Variants in CSMD1 observed in about 807,000 individuals in gnomAD.
The protein encoded by CSMD1 is CUB and sushi domain-containing protein 1.
Under a neutral mutation model 417.5 loss-of-function variants are expected in CSMD1, and 213 were observed. The observed-to-expected ratio is 0.51, with a 90% confidence interval of 0.46 to 0.57. The LOEUF (loss-of-function observed/expected upper bound fraction) is 0.57, where lower values mean the gene tolerates loss of function less well. Ranked by LOEUF, CSMD1 falls within the 20% of genes least tolerant of loss-of-function variation. The pLI is 0.00. For missense variants in CSMD1, 6,923 were observed against 4,529.7 expected, an observed-to-expected ratio of 1.53 and a Z score of -15.17; for synonymous variants, 2,862 against 1,736.8, an observed-to-expected ratio of 1.65 and a Z score of -16.11.
At chr8:4,816,904 G>A (rs1799239660) in intron 1 of CSMD1, among the ~76,000 whole-genome samples, 2 of 152,060 alleles carry the variant, frequency 1.3e-5, no homozygotes, top group Non-Finnish European at 2.9e-5. Flanking sequence ...GAGGTTTGGA[G>A]CATAACAATC....
At chr8:4,100,508 G>C (rs920489385) in intron 3 of CSMD1, among the ~76,000 whole-genome samples, 1 of 152,076 alleles carries the variant, frequency 6.6e-6, no homozygotes, top group African/African-American at 2.4e-5. Context: ...CTATAAAATG[G>C]ATTAAAAATG....
At chr8:3,999,488 C>A (rs1815488438) in intron 4 of CSMD1, among the ~76,000 whole-genome samples, 1 of 152,162 alleles carries the variant, frequency 6.6e-6, no homozygotes, top group South Asian at 2.1e-4. Flanking sequence ...CTCACAAAAA[C>A]GTCAAAATAG....
At chr8:4,927,545 G>T (rs1430000606) in intron 1 of CSMD1, among the ~76,000 whole-genome samples, 1 of 152,104 alleles carries the variant, frequency 6.6e-6, no homozygotes, top group East Asian at 1.9e-4. Flanking sequence ...TTGGAAAGGG[G>T]CAACAACTAG....
At chr8:4,273,426 T>C (rs903860556) in intron 3 of CSMD1, among the ~76,000 whole-genome samples, 16 of 152,274 alleles carry the variant, frequency 1.1e-4, no homozygotes, top group African/African-American at 3.6e-4. Context: ...AGGTCAATTA[T>C]ACTTTTTTAT....
chr8:4,086,011 T>C (rs940743304), intron 3 of CSMD1, among the ~76,000 whole-genome samples: 3 of 152,188 alleles, frequency 2.0e-5, no homozygotes, highest in Non-Finnish European at 4.4e-5. Flanking sequence ...GAGCAAGGAC[T>C]AACAAAGGTG....
At position 3,219,462 on chromosome 8, in the gene CSMD1, T is replaced by A. The variant is rs760478754; in HGVS notation, c.4485-20A>T. 2.1e-6 allele frequency: 3 copies of A among 1,422,714 alleles called. No individual in the cohort carries two copies. The highest frequency in any genetic ancestry group is 3.0e-5 in the South Asian group (2 of 66,954). The allele number at this position is 1,422,714 out of a possible 1,614,324, so 88.1% of individuals were successfully genotyped here. A position where few individuals can be genotyped will look rare whatever the true frequency, so the allele number is the denominator to read the frequency against. On this transcript the variant is annotated intron_variant, in intron 28 of 69. Transcript: ENST00000635120. ...TTGAAACTAAAGAAAAGAATAGTAA[T>A]TATGTCATACGGCTAACAGATATTT...
intron 5 of CSMD1, among the ~76,000 whole-genome samples, chr8:3,871,276 T>C (rs1254393191): frequency 3.3e-5 from 5 of 152,100 alleles, no homozygotes; most frequent in South Asian, 2.1e-4. Context: ...TACTCTTCAA[T>C]AAAAAGCTGC....
chr8:4,359,513 C>G (rs1391279174), intron 3 of CSMD1, among the ~76,000 whole-genome samples: 1 of 152,206 alleles, frequency 6.6e-6, no homozygotes, highest in Non-Finnish European at 1.5e-5. Flanking sequence ...ACTTCCCCAA[C>G]CTTGCAAATA....
chr8:4,110,084 A>T (rs560015011), intron 3 of CSMD1, among the ~76,000 whole-genome samples: 4 of 152,192 alleles, frequency 2.6e-5, no homozygotes, highest in African/African-American at 4.8e-5. Context: ...TGGAATAATA[A>T]GCTTTCCTCC....
chr8:3,490,551 C>T (rs1376416521), intron 11 of CSMD1, among the ~76,000 whole-genome samples: 1 of 152,114 alleles, frequency 6.6e-6, no homozygotes, highest in African/African-American at 2.4e-5. Context: ...TTTTTCAGCT[C>T]TCCGGAGTGT....
rs372135881 is a variant in CSMD1 at position 3,188,900 on chromosome 8, C to G, written c.5510G>C (p.Gly1837Ala). The G allele has an allele frequency of 1.9e-6, 3 of 1,576,626 alleles. No individual in the cohort carries two copies. The highest frequency in any genetic ancestry group is 2.7e-5 in the African/African-American group (2 of 74,140). Residue 1837 changes from glycine (G) to alanine (A), a missense_variant, in exon 35 of 70, where the codon GGC becomes GCC. Physicochemically the swap from Gly to Ala is moderately conservative, Grantham distance 60. Transcript: ENST00000635120. ...NCIWKIIVTE[G>A]SGIQIQVISF... ...TCAAGGACTCACCTGAATTCCCGAG[C>G]CCTCCGTAACTATGATCTTCCATAT... is the stretch of plus-strand genomic sequence containing the variant.
At position 3,377,166 on chromosome 8, in the gene CSMD1, C is replaced by T. The variant is rs527817230; in HGVS notation, c.2783-7796G>A. Among the ~76,000 whole-genome samples the T allele has an allele frequency of 4.6e-5, 7 of 152,228 alleles. No individual in the cohort carries two copies. In the South Asian group the frequency reaches 1.5e-3, roughly 32 times the overall value. On this transcript the variant is annotated intron_variant, in intron 18 of 69. Coordinates refer to ENST00000635120, the MANE Select transcript of CSMD1 (RefSeq NM_033225.6). ...TGGGACTATAGGCACATGCCAATACCCCCAGCTAATTTTTGTGTTTTTTTG... is the reference window on the plus strand; with the variant it reads ...TGGGACTATAGGCACATGCCAATACTCCCAGCTAATTTTTGTGTTTTTTTG...
At chr8:3,234,479 C>T (rs370986361) in intron 26 of CSMD1, among the ~76,000 whole-genome samples, 3 of 152,140 alleles carry the variant, frequency 2.0e-5, no homozygotes, top group Non-Finnish European at 1.5e-5. Context: ...GAAAACAGCA[C>T]TCTCAGTGGA....
rs867605869 is a variant in CSMD1, at chr8:3,772,189, T to C, written c.819-18147A>G. Reference sequence around the variant, plus strand: ...CAACATATATATATATATATATATATACACACACACACACACACACACACA... The same window carrying C: ...CAACATATATATATATATATATATACACACACACACACACACACACACACA... On this transcript the variant is annotated intron_variant, in intron 5 of 69. Coordinates refer to ENST00000635120, the MANE Select transcript of CSMD1 (RefSeq NM_033225.6). 5.5e-3 allele frequency among the ~76,000 whole-genome samples: 551 copies of C among 100,890 alleles called. 41 individuals carry two copies. The highest frequency in any genetic ancestry group is 0.022 in the African/African-American group (522 of 24,268). The allele number at this position is 100,890 out of a possible 152,430, so 66.2% of individuals were successfully genotyped here.
chr8:4,160,525 C>G (rs1797093007), intron 3 of CSMD1, among the ~76,000 whole-genome samples: 1 of 152,198 alleles, frequency 6.6e-6, no homozygotes, highest in African/African-American at 2.4e-5. Flanking sequence ...TATGCTTAAG[C>G]AAGGAAAAGG....
intron 2 of CSMD1, among the ~76,000 whole-genome samples, chr8:4,471,618 C>G (rs1022038065): frequency 6.6e-6 from 1 of 152,150 alleles, no homozygotes; most frequent in Admixed American, 6.5e-5. Context: ...GAACATTACA[C>G]CTAACTCTGC....
At chr8:4,912,949 C>T (rs931451342) in intron 1 of CSMD1, among the ~76,000 whole-genome samples, 1 of 152,076 alleles carries the variant, frequency 6.6e-6, no homozygotes, top group East Asian at 1.9e-4. Context: ...CCTCACCCAG[C>T]TAATTTGTTT....
chr8:4,080,867 A>G (rs1326750885), intron 3 of CSMD1, among the ~76,000 whole-genome samples: 1 of 152,196 alleles, frequency 6.6e-6, no homozygotes, highest in Non-Finnish European at 1.5e-5. Context: ...TTTACTTCCA[A>G]AACTCTTATT....
chr8:3,009,092 T>C (rs1808187629), intron 52 of CSMD1, among the ~76,000 whole-genome samples: 1 of 152,232 alleles, frequency 6.6e-6, no homozygotes. Flanking sequence ...CGGACAGACC[T>C]GGAGCCGTGC....
Sources: allele counts gnomAD v4.1 joint callset (sites outside exome capture counted in the v4.1 genomes callset), GRCh38; gene constraint gnomAD v4.1.1; transcripts MANE v1.5; gene names NCBI Gene and HGNC (gene_info 2026-07-23, HGNC 2026-07-21).